SZT2: variants seen among roughly 807,000 people sequenced by gnomAD.
The protein encoded by SZT2 is KICSTOR complex protein SZT2.
In SZT2, 216 loss-of-function variants were observed where a neutral mutation model predicts 404.2. The observed-to-expected ratio is 0.53, with a 90% CI of 0.48 to 0.60. SZT2 has a LOEUF of 0.60. SZT2 is among the 20% of genes least tolerant of loss of function. SZT2 has a pLI of 0.00. For synonymous variants in SZT2, 1,693 were observed against 1,749.9 expected (o/e 0.97, Z 0.81); for missense variants, 3,857 against 4,459.2 (o/e 0.86, Z 3.85).
chr1:43,426,644 C>A lies in SZT2; in HGVS notation c.3215-71C>A. On this transcript the variant is annotated intron_variant, in intron 22 of 71. Transcript: ENST00000634258. The surrounding 1 kb of genome is among the most constrained non-coding windows in gnomAD (Gnocchi z 4.9). ...AGTTTTGGCTTTCCCCTTCCTCCCCCTTTCTTCAACCCAGAGTCCCGCCTC... is the reference window on the plus strand; with the variant it reads ...AGTTTTGGCTTTCCCCTTCCTCCCCATTTCTTCAACCCAGAGTCCCGCCTC... The A allele has an allele frequency of 6.6e-7, 1 of 1,519,186 alleles. No individual in the cohort carries two copies. Among genetic ancestry groups the A allele is most frequent in the Non-Finnish European group, 8.9e-7 (1 of 1,121,984 alleles). The allele number at this position is 1,519,186 out of a possible 1,614,324, so 94.1% of individuals were successfully genotyped here. A position where few individuals can be genotyped will look rare whatever the true frequency, so the allele number is the denominator to read the frequency against.
intron 2 of SZT2, 44 bp downstream of exon 2, chr1:43,403,346 G>A (rs1265170682): frequency 3.8e-5 from 61 of 1,590,404 alleles, no homozygotes; most frequent in South Asian, 1.2e-4. Flanking sequence ...CAGCCCAGAA[G>A]GATCTGTTTT....
chr1:43,422,338 A>AAAC, intron 12 of SZT2, 113 bp downstream of exon 12: 1 of 1,494,988 alleles, frequency 6.7e-7, no homozygotes, highest in Non-Finnish European at 8.9e-7. Context: ...GGCCAAGGAA[A>AAAC]AACTATAGCC....
At position 43,447,529 on chromosome 1, in the gene SZT2, G is replaced by A. The variant is rs1655823162; in HGVS notation, c.9287-16G>A. The A allele has an allele frequency of 6.2e-7, 1 of 1,612,468 alleles. No homozygotes were observed. The highest frequency in any genetic ancestry group is 1.3e-5 in the African/African-American group (1 of 75,036). On this transcript the variant is annotated splice_polypyrimidine_tract_variant and intron_variant, in intron 66 of 71. Coordinates refer to ENST00000634258, the MANE Select transcript of SZT2 (RefSeq NM_001365999.1). ...CTAGGCTTAGTGTCTGCTGTCTCCT[G>A]TTACTTATCCCTCAGGGACATTGGA...
At chr1:43,396,346 A>T (rs1487293521) in intron 1 of SZT2, among the ~76,000 whole-genome samples, 1 of 152,238 alleles carries the variant, frequency 6.6e-6, no homozygotes, top group East Asian at 1.9e-4. Context: ...CGTTTGGCAG[A>T]GGGTCAGATT....
At chr1:43,395,637 G>T (rs190133977) in intron 1 of SZT2, among the ~76,000 whole-genome samples, 9 of 152,182 alleles carry the variant, frequency 5.9e-5, no homozygotes, top group African/African-American at 2.2e-4. Context: ...CTTATCCTTC[G>T]GAGCACTTAC....
At position 43,431,013 on chromosome 1, in the gene SZT2, T is replaced by C; in HGVS notation, c.4839T>C (p.Ser1613=). ...VGGRVPLRDL[S]VTLDVFMLTL... Reference sequence around the variant, plus strand: ...GCCGAGTTCCCTTGAGGGACCTCAGTGTGACTCTGGATGTCTTCATGCTGA... The same window carrying C: ...GCCGAGTTCCCTTGAGGGACCTCAGCGTGACTCTGGATGTCTTCATGCTGA... The change falls in exon 33 of 72, where the codon AGT becomes AGC. Residue 1613 remains serine (S), a synonymous_variant. Transcript: ENST00000634258. 1 of 1,614,214 alleles carries C rather than the reference T, an allele frequency of 6.2e-7. No homozygotes were observed. Among genetic ancestry groups the C allele is most frequent in the Non-Finnish European group, 8.5e-7 (1 of 1,180,038 alleles).
intron 4 of SZT2, chr1:43,407,003 G>T (rs531778658): frequency 6.6e-6 from 1 of 152,380 alleles, no homozygotes; most frequent in South Asian, 2.1e-4. Flanking sequence ...ACATTGGGAA[G>T]ATCACAGTAT....
At position 43,431,291 on chromosome 1, in the gene SZT2, T is replaced by C; in HGVS notation, c.4943T>C (p.Phe1648Ser). ...HRSTSESSAS[F>S]PRSPGQPSSL... ...TCAACATCTGAAAGCAGTGCTTCAT[T>C]TCCACGATCCCCAGGGCAGCCATCA... Residue 1648 changes from phenylalanine (F) to serine (S), a missense_variant, in exon 34 of 72, where the codon TTT becomes TCT. By Grantham distance (155) the Phe-to-Ser change is radical. Around this residue, in one of 7 missense-constraint regions of SZT2, gnomAD observed 1,725 missense variants for 1,881.0 expected, o/e 0.92. Transcript: ENST00000634258. 6.2e-7 allele frequency: 1 copy of C among 1,612,408 alleles called. No individual in the cohort carries two copies. The highest frequency in any genetic ancestry group is 8.5e-7 in the Non-Finnish European group (1 of 1,179,094).
At chr1:43,407,827 CTTT>C (rs1273177130) in intron 4 of SZT2, among the ~76,000 whole-genome samples, 4 of 94,484 alleles carry the variant, frequency 4.2e-5, no homozygotes, top group Admixed American at 2.7e-4. Flanking sequence ...AAATTCTAAC[CTTT>C]TTTTTTTTTT....
Position 43,443,858 on chromosome 1 carries a change from G to A in SZT2, c.8825+62G>A, listed in dbSNP as rs1282586768. ...CCTGCACTGCAAGTGAGGCCCCACA[G>A]GCCCTTCCTCTCTTTACAAGGTCCT... On this transcript the variant is annotated intron_variant, in intron 62 of 71. Transcript: ENST00000634258. 2.0e-5 allele frequency: 32 copies of A among 1,596,702 alleles called. No individual in the cohort carries two copies. In the Admixed American group the frequency reaches 5.4e-4, roughly 27 times the overall value.
chr1:43,452,854 C>A lies in SZT2; in HGVS notation c.*2374C>A. Reference sequence around the variant, plus strand: ...ATCATCCCCTGATCTTAGCCACATCCAGCTCCAAGCAGACATTCCAGGCCT... The same window carrying A: ...ATCATCCCCTGATCTTAGCCACATCAAGCTCCAAGCAGACATTCCAGGCCT... On this transcript the variant is annotated 3_prime_UTR_variant, in exon 72 of 72. Transcript: ENST00000634258. 1.3e-6 allele frequency: 2 copies of A among 1,552,380 alleles called. No homozygotes were observed. The highest frequency in any genetic ancestry group is 2.4e-5 in the South Asian group (2 of 84,290).
chr1:43,452,830 T>C lies in SZT2; in HGVS notation c.*2350T>C. 1 of 1,484,982 alleles carries C rather than the reference T, an allele frequency of 6.7e-7. No homozygotes were observed. The highest frequency in any genetic ancestry group is 1.2e-5 in the South Asian group (1 of 82,550). 92.0% of individuals were successfully genotyped at this position (1,484,982 alleles called of 1,614,324 possible). The stretch of plus-strand genomic sequence containing the variant: ...ACTTTGAGCCGTCCACCTCCTCCCA[T>C]CATCCCCTGATCTTAGCCACATCCA... On this transcript the variant is annotated 3_prime_UTR_variant, in exon 72 of 72. Coordinates refer to ENST00000634258, the MANE Select transcript of SZT2 (RefSeq NM_001365999.1).
At position 43,437,460 on chromosome 1, in the gene SZT2, A is replaced by G. The variant is rs1654575412; in HGVS notation, c.6242A>G (p.Asn2081Ser). 6.2e-7 allele frequency: 1 copy of G among 1,614,016 alleles called. No homozygotes were observed. ...GCCTTCTCTGTGGTGAACCGGAAAA[A>G]CATGTTTGTTTACCAGGAGCGAGCA... ...LNAFSVVNRK[N>S]MFVYQERATK... The change falls in exon 44 of 72, where the codon AAC (asparagine) becomes AGC (serine). Residue 2081 changes from asparagine to serine, a missense_variant. Physicochemically the swap from Asn to Ser is conservative, Grantham distance 46. Coordinates refer to ENST00000634258, the MANE Select transcript of SZT2 (RefSeq NM_001365999.1). This position sits in a 1 kb window ranked among gnomAD's most constrained non-coding sequence, Gnocchi z 5.3.
At position 43,427,661 on chromosome 1, in the gene SZT2, T is replaced by G. The variant is rs1653336467; in HGVS notation, c.3730T>G (p.Cys1244Gly). 3.1e-6 allele frequency: 5 copies of G among 1,614,068 alleles called. No individual in the cohort carries two copies. In the South Asian group the frequency reaches 5.5e-5, roughly 18 times the overall value. ...RTRCPVYIYS[C>G]SLEALREQMV... Reference sequence around the variant, plus strand: ...CCGGTGTCCTGTCTACATCTACAGCTGTTCACTGGAAGCGCTGAGGGAACA... The same window carrying G: ...CCGGTGTCCTGTCTACATCTACAGCGGTTCACTGGAAGCGCTGAGGGAACA... The change falls in exon 26 of 72, where the codon TGT becomes GGT. Residue 1244 changes from cysteine (C) to glycine (G), a missense_variant. Around this residue, in one of 7 missense-constraint regions of SZT2, gnomAD observed 1,725 missense variants for 1,881.0 expected, o/e 0.92. Coordinates refer to ENST00000634258, the MANE Select transcript of SZT2 (RefSeq NM_001365999.1).
chr1:43,400,287 C>T (rs150474768), intron 1 of SZT2, among the ~76,000 whole-genome samples: 5 of 152,134 alleles, frequency 3.3e-5, no homozygotes, highest in Non-Finnish European at 5.9e-5. Flanking sequence ...TACGCAAGTG[C>T]AACATATTGA....
chr1:43,447,561 C>T lies in SZT2; in HGVS notation c.9303C>T (p.Pro3101=). The change falls in exon 67 of 72, where the codon CCC becomes CCT. Residue 3101 remains proline (P), a synonymous_variant. Coordinates refer to ENST00000634258, the MANE Select transcript of SZT2 (RefSeq NM_001365999.1). ...ATCCCTCAGGGACATTGGAGCTCCC[C>T]ACACCACTCATTGCTGCCCACCAGC... is the stretch of plus-strand genomic sequence containing the variant. ...NHIYQGTLEL[P]TPLIAAHQLY... 1 of 1,614,072 alleles carries T rather than the reference C, an allele frequency of 6.2e-7. No individual in the cohort carries two copies. Among genetic ancestry groups the T allele is most frequent in the Non-Finnish European group, 8.5e-7 (1 of 1,179,994 alleles).
rs1654915288 is a variant in SZT2, at chr1:43,440,178, A to C, written c.7210+130A>C. ...GAGAACTACTACATCAGAACCACTT[A>C]TTCACAGTTGTCCGTGAGCTTGTCT... On this transcript the variant is annotated intron_variant, in intron 51 of 71. Transcript: ENST00000634258. 6 of 1,323,136 alleles carry C rather than the reference A, an allele frequency of 4.5e-6. No homozygotes were observed. The East Asian group carries it at 1.4e-4, about 32-fold the overall frequency. The allele number at this position is 1,323,136 out of a possible 1,614,324, so 82.0% of individuals were successfully genotyped here. A position where few individuals can be genotyped will look rare whatever the true frequency, so the allele number is the denominator to read the frequency against.
At chr1:43,432,218 A>C in intron 36 of SZT2, 54 bp from the exon 37 acceptor site, 1 of 1,498,600 alleles carries the variant, frequency 6.7e-7, no homozygotes, top group Non-Finnish European at 8.9e-7. Context: ...GTAGCTCACC[A>C]TGTGTAGGGA....
Position 43,454,014 on chromosome 1 carries a change from A to G in SZT2, c.*3534A>G. The G allele has an allele frequency of 1.7e-6, 2 of 1,171,862 alleles. No individual in the cohort carries two copies. The highest frequency in any genetic ancestry group is 2.1e-6 in the Non-Finnish European group (2 of 950,170). 72.6% of individuals were successfully genotyped at this position (1,171,862 alleles called of 1,614,324 possible). On this transcript the variant is annotated 3_prime_UTR_variant, in exon 72 of 72. Transcript: ENST00000634258. ...CGGGGAGAGGCGAAGGGGCGGAGCG[A>G]GGGCGGCCGGAAAAGGAGCAGGACC...
Sources: allele counts gnomAD v4.1 joint callset (sites outside exome capture counted in the v4.1 genomes callset), GRCh38; gene constraint gnomAD v4.1.1; regional missense constraint gnomAD v4.1.1; non-coding constraint Gnocchi (gnomAD v3.1); transcripts MANE v1.5; gene names NCBI Gene and HGNC (gene_info 2026-07-23, HGNC 2026-07-21).